The following RSPO2 variants were observed in gnomAD, a reference collection of about 807,000 sequenced individuals.
RSPO2 encodes the protein R-spondin 2.
A neutral mutation model predicts 30.9 loss-of-function variants in RSPO2; 14 were observed. That is an observed-to-expected ratio of 0.45 (90% CI 0.30 to 0.71). The LOEUF (loss-of-function observed/expected upper bound fraction) is 0.71. RSPO2 is among the 30% of genes least tolerant of loss of function. RSPO2 has a pLI of 0.08. For missense variants in RSPO2, 264 were observed against 301.9 expected (o/e 0.87, Z 0.93); for synonymous variants, 107 against 96.4 (o/e 1.11, Z -0.64).
Position 108,082,779 on chromosome 8 carries a change from A to C in RSPO2, c.-141T>G. ...ACCCCCGGGCCGCACCGGTCAGTTC[A>C]GCGCGATCAGCATCTCTCCGCCACG... is the stretch of plus-strand genomic sequence containing the variant. On this transcript the variant is annotated 5_prime_UTR_variant, in exon 2 of 6. Coordinates refer to ENST00000276659, the MANE Select transcript of RSPO2 (RefSeq NM_178565.5). 1 of 616,478 alleles carries C rather than the reference A, an allele frequency of 1.6e-6. No homozygotes were observed. Among genetic ancestry groups the C allele is most frequent in the Non-Finnish European group, 2.8e-6 (1 of 351,458 alleles). The allele number at this position is 616,478 out of a possible 1,614,324, so 38.2% of individuals were successfully genotyped here.
intron 2 of RSPO2, chr8:108,081,935 C>T: frequency 1.0e-6 from 1 of 982,176 alleles, no homozygotes; most frequent in Non-Finnish European, 1.2e-6. Context: ...GTTCCCATCT[C>T]GTCGCAGTTT....
At chr8:107,987,214 A>G (rs1814675097) in intron 3 of RSPO2, among the ~76,000 whole-genome samples, 1 of 151,694 alleles carries the variant, frequency 6.6e-6, no homozygotes, top group Non-Finnish European at 1.5e-5. Context: ...TCCGCAATTT[A>G]TTACCCACAA....
intron 5 of RSPO2, among the ~76,000 whole-genome samples, chr8:107,919,003 C>T (rs1360914328): frequency 1.3e-5 from 2 of 152,070 alleles, no homozygotes; most frequent in Non-Finnish European, 2.9e-5. Flanking sequence ...CTGGGAATTG[C>T]ACTTCTTACC....
At chr8:107,998,850 C>T (rs563475258) in intron 2 of RSPO2, among the ~76,000 whole-genome samples, 63 of 152,170 alleles carry the variant, frequency 4.1e-4, no homozygotes, top group African/African-American at 1.5e-3. Context: ...GTGTTCAAGA[C>T]CAGCCTGGCT....
intron 3 of RSPO2, among the ~76,000 whole-genome samples, chr8:107,988,820 G>A (rs1198924334): frequency 1.3e-5 from 2 of 152,032 alleles, no homozygotes; most frequent in Admixed American, 6.6e-5. Flanking sequence ...TAGAGATGGG[G>A]TTTCCTCATG....
chr8:107,989,557 T>C (rs979970230), intron 2 of RSPO2: 3 of 254,604 alleles, frequency 1.2e-5, no homozygotes, highest in East Asian at 9.1e-5. Context: ...CCAAGAAATA[T>C]TTATGTGAAG....
intron 2 of RSPO2, among the ~76,000 whole-genome samples, chr8:108,030,611 C>T (rs1049910123): frequency 5.3e-5 from 8 of 152,250 alleles, no homozygotes; most frequent in East Asian, 3.9e-4. Context: ...GGCTTAAATA[C>T]GCCTTACTCA....
At chr8:107,943,218 C>A (rs550748890) in intron 5 of RSPO2, among the ~76,000 whole-genome samples, 1 of 152,050 alleles carries the variant, frequency 6.6e-6, no homozygotes, top group South Asian at 2.1e-4. Flanking sequence ...TGCGTGCGTG[C>A]GCGCGCACAC....
At position 107,900,996 on chromosome 8, in the gene RSPO2, C is replaced by G; in HGVS notation, c.*79G>C. ...GGCAGAGCAGCACAAAGGCTGCACACCAGTGTGCAGGAGTGGAGAGTAGCT... is the reference window on the plus strand; with the variant it reads ...GGCAGAGCAGCACAAAGGCTGCACAGCAGTGTGCAGGAGTGGAGAGTAGCT... On this transcript the variant is annotated 3_prime_UTR_variant, in exon 6 of 6. Coordinates refer to ENST00000276659, the MANE Select transcript of RSPO2 (RefSeq NM_178565.5). The G allele has an allele frequency of 6.7e-7, 1 of 1,488,596 alleles. No individual in the cohort carries two copies. Among genetic ancestry groups the G allele is most frequent in the Admixed American group, 1.9e-5 (1 of 52,504 alleles). The allele number at this position is 1,488,596 out of a possible 1,614,324, so 92.2% of individuals were successfully genotyped here. A position where few individuals can be genotyped will look rare whatever the true frequency, so the allele number is the denominator to read the frequency against.
chr8:107,950,516 A>G (rs1296879973), intron 5 of RSPO2, among the ~76,000 whole-genome samples: 1 of 148,470 alleles, frequency 6.7e-6, no homozygotes, highest in East Asian at 2.0e-4. Flanking sequence ...ATGTTATCTT[A>G]TGTCTTTGTA....
At chr8:107,983,015 G>C in intron 3 of RSPO2, 2 of 774,388 alleles carry the variant, frequency 2.6e-6, no homozygotes, top group Non-Finnish European at 4.0e-6. Flanking sequence ...GTGCAGAGAG[G>C]GGCCACAGTC....
intron 2 of RSPO2, among the ~76,000 whole-genome samples, chr8:108,012,849 T>A (rs183024238): frequency 6.6e-6 from 1 of 151,982 alleles, no homozygotes; most frequent in African/African-American, 2.4e-5. Flanking sequence ...AAAGTTAAGG[T>A]TTTCAAGTTT....
intron 5 of RSPO2, among the ~76,000 whole-genome samples, chr8:107,954,879 GA>G (rs58375412): frequency 0.029 from 4,359 of 152,210 alleles, 236 homozygotes; most frequent in African/African-American, 0.1. Context: ...AAAATGCTGG[GA>G]TTACAGGCGT....
chr8:108,006,772 T>G (rs572292178), intron 2 of RSPO2, among the ~76,000 whole-genome samples: 1 of 152,176 alleles, frequency 6.6e-6, no homozygotes, highest in Non-Finnish European at 1.5e-5. Context: ...CGAAGTCATA[T>G]CAAAACTATC....
intron 5 of RSPO2, among the ~76,000 whole-genome samples, chr8:107,955,284 C>CA (rs1259630098): frequency 6.6e-6 from 1 of 152,134 alleles, no homozygotes; most frequent in South Asian, 2.1e-4. Flanking sequence ...CCTATCCCCC[C>CA]CTAAATCCTC....
intron 3 of RSPO2, among the ~76,000 whole-genome samples, chr8:107,974,951 C>T (rs1400460990): frequency 6.6e-6 from 1 of 152,132 alleles, no homozygotes; most frequent in African/African-American, 2.4e-5. Context: ...TTTTCTTTAA[C>T]CGATGCAGTA....
chr8:107,983,300 A>G, intron 3 of RSPO2: 10 of 1,604,152 alleles, frequency 6.2e-6, no homozygotes, highest in Non-Finnish European at 7.7e-6. Context: ...TTGCAAAGGG[A>G]TAGCCATATG....
intron 3 of RSPO2, among the ~76,000 whole-genome samples, chr8:107,987,223 A>AC (rs1333195450): frequency 1.4e-5 from 2 of 144,132 alleles, no homozygotes; most frequent in African/African-American, 5.7e-5. Context: ...TATTACCCAC[A>AC]AAAAAAATCA....
intron 5 of RSPO2, among the ~76,000 whole-genome samples, chr8:107,941,358 T>G (rs148204413): frequency 4.6e-4 from 70 of 152,312 alleles, no homozygotes; most frequent in African/African-American, 1.6e-3. Context: ...ATAGACTCAT[T>G]AGATGCTTTG....
Sources: gnomAD v4.1 joint callset for allele counts (sites outside exome capture counted in the v4.1 genomes callset) on GRCh38, gnomAD v4.1.1 for gene constraint, MANE v1.5 for transcripts, NCBI Gene and HGNC (gene_info 2026-07-23, HGNC 2026-07-21) for gene names.